PLEKHG5: variants seen among roughly 807,000 people sequenced by gnomAD.
PLEKHG5 encodes the protein pleckstrin homology and RhoGEF domain containing G5.
In PLEKHG5, 52 loss-of-function variants were observed where a neutral mutation model predicts 103.8. The ratio of observed to expected loss-of-function variants is 0.50; its 90% confidence interval spans 0.40 to 0.63. The LOEUF is 0.63. PLEKHG5 is among the 30% of genes least tolerant of loss of function. The pLI is 0.00. For missense variants in PLEKHG5, 1,205 were observed against 1,347.6 expected (o/e 0.89, Z 1.66); for synonymous variants, 592 against 575.5 (o/e 1.03, Z -0.41).
rs1218575297 is a variant in PLEKHG5, at chr1:6,471,556, C to T, written c.1213G>A (p.Val405Met). The change falls in exon 12 of 21, where the codon GTG becomes ATG. Residue 405 changes from valine (V) to methionine (M), a missense_variant. By Grantham distance (21) the Val-to-Met change is conservative. Transcript: ENST00000377728. ...RRLWASVMAP[V>M]LEKARRTRAL... is the part of the protein sequence containing the mutation. Reference sequence around the variant, plus strand: ...CGCGTGCGCCGCGCCTTCTCCAGCACCGGCGCCATCACGCTAGCCCACAGC... The same window carrying T: ...CGCGTGCGCCGCGCCTTCTCCAGCATCGGCGCCATCACGCTAGCCCACAGC... The T allele has an allele frequency of 5.6e-6, 9 of 1,605,442 alleles. No homozygotes were observed. In the East Asian group the frequency reaches 9.0e-5, roughly 16 times the overall value.
intron 1 of PLEKHG5, among the ~76,000 whole-genome samples, chr1:6,507,908 G>T (rs978277045): frequency 5.3e-5 from 8 of 152,208 alleles, no homozygotes; most frequent in African/African-American, 1.9e-4. Context: ...CTGCCTGGGG[G>T]TGTCAGACTG....
intron 4 of PLEKHG5, 56 bp from the exon 5 acceptor site, chr1:6,475,194 G>GCCCTCCTTCCCAA: frequency 9.3e-6 from 6 of 648,288 alleles, no homozygotes; most frequent in Non-Finnish European, 1.5e-5. Context: ...CCTCATTCCC[G>GCCCTCCTTCCCAA]CCCTCCTCCC....
At position 6,473,381 on chromosome 1, in the gene PLEKHG5, G is replaced by A. The variant is rs373678202; in HGVS notation, c.665C>T (p.Thr222Met). ...EASIPGQEPP[T>M]PSSCSLPSGS... Reference sequence around the variant, plus strand: ...GCTGGGCAGAGAGCAGCTGGAGGGCGTGGGGGGCTCCTGCCCGGGGATGCT... The same window carrying A: ...GCTGGGCAGAGAGCAGCTGGAGGGCATGGGGGGCTCCTGCCCGGGGATGCT... The change falls in exon 8 of 21, where the codon ACG becomes ATG. Residue 222 changes from threonine to methionine, a missense_variant. Thr to Met is a moderately conservative substitution (Grantham distance 81, BLOSUM62 -1). Coordinates refer to ENST00000377728, the MANE Select transcript of PLEKHG5 (RefSeq NM_020631.6). 74 of 1,547,712 alleles carry A rather than the reference G, an allele frequency of 4.8e-5. No homozygotes were observed. Among genetic ancestry groups the A allele is most frequent in the South Asian group, 3.2e-4 (27 of 84,044 alleles).
upstream of PLEKHG5, among the ~76,000 whole-genome samples, chr1:6,494,360 A>G (rs972456644): frequency 4.0e-5 from 6 of 151,676 alleles, no homozygotes; most frequent in East Asian, 1.2e-3. Flanking sequence ...CGAACTCCTG[A>G]GCTCAGGCAA....
upstream of PLEKHG5, among the ~76,000 whole-genome samples, chr1:6,498,220 C>T (rs905348128): frequency 5.3e-5 from 8 of 152,168 alleles, no homozygotes; most frequent in East Asian, 7.7e-4. Flanking sequence ...GGAGGCATTG[C>T]GCCGACAAGA....
chr1:6,513,848 A>T (rs1638542887), intron 1 of PLEKHG5, among the ~76,000 whole-genome samples: 1 of 152,190 alleles, frequency 6.6e-6, no homozygotes, highest in South Asian at 2.1e-4. Context: ...TGGCCCACAG[A>T]AGTCAAGGGC....
Position 6,467,317 on chromosome 1 carries a change from C to G in PLEKHG5, c.*246G>C, listed in dbSNP as rs1226407511. 3 of 623,514 alleles carry G rather than the reference C, an allele frequency of 4.8e-6. No individual in the cohort carries two copies. The highest frequency in any genetic ancestry group is 8.8e-6 in the Non-Finnish European group (3 of 341,840). The allele number at this position is 623,514 out of a possible 1,614,324, so 38.6% of individuals were successfully genotyped here. ...CCCAGCCCTGAAGACTCGAGCTGAGCTGGTAACTTCGGGGAGTAGGTGACG... is the reference window on the plus strand; with the variant it reads ...CCCAGCCCTGAAGACTCGAGCTGAGGTGGTAACTTCGGGGAGTAGGTGACG... On this transcript the variant is annotated 3_prime_UTR_variant, in exon 21 of 21. Transcript: ENST00000377728.
upstream of PLEKHG5, among the ~76,000 whole-genome samples, chr1:6,494,855 C>G (rs113493993): frequency 6.6e-6 from 1 of 152,226 alleles, no homozygotes; most frequent in South Asian, 2.1e-4. Context: ...TCCCCGTGCA[C>G]GCTGGGTGAC....
At position 6,468,505 on chromosome 1, in the gene PLEKHG5, G is replaced by A. The variant is rs61749272; in HGVS notation, c.2331C>T (p.Ser777=). Residue 777 remains serine, a synonymous_variant, in exon 20 of 21, where the codon AGC becomes AGT. Coordinates refer to ENST00000377728, the MANE Select transcript of PLEKHG5 (RefSeq NM_020631.6). ...CATCAGACTGGGAGCTGAAAGGACCGCTGTCGAACTCGGGGGAGGACAGCG... is the reference window on the plus strand; with the variant it reads ...CATCAGACTGGGAGCTGAAAGGACCACTGTCGAACTCGGGGGAGGACAGCG... ...GDTLSSPEFD[S]GPFSSQSDET... The A allele has an allele frequency of 0.012, 19,599 of 1,612,882 alleles. 171 individuals are homozygous for A. Among genetic ancestry groups the A allele is most frequent in the Non-Finnish European group, 0.015 (17,224 of 1,179,840 alleles).
At position 6,469,581 on chromosome 1, in the gene PLEKHG5, G is replaced by A. The variant is rs61732221; in HGVS notation, c.1896C>T (p.Leu632=). 466 of 1,613,852 alleles carry A rather than the reference G, an allele frequency of 2.9e-4. No homozygotes were observed. The African/African-American group carries it at 5.3e-3, about 18-fold the overall frequency. Residue 632 remains leucine, a synonymous_variant, in exon 17 of 21, where the codon CTC becomes CTT. Transcript: ENST00000377728. The part of the protein sequence containing the change: ...ERTRVIRPPL[L]VDKIVCRELR... Reference sequence around the variant, plus strand: ...GCTCCCGGCACACAATCTTGTCCACGAGCAGGGGTGGCCTGATGACCCTGG... The same window carrying A: ...GCTCCCGGCACACAATCTTGTCCACAAGCAGGGGTGGCCTGATGACCCTGG...
At chr1:6,492,254 A>C (rs530005831), upstream of PLEKHG5, among the ~76,000 whole-genome samples, 1 of 152,114 alleles carries the variant, frequency 6.6e-6, no homozygotes, top group East Asian at 1.9e-4. Context: ...AAACACCCTC[A>C]CATGTGGTGC....
upstream of PLEKHG5, among the ~76,000 whole-genome samples, chr1:6,500,301 C>T (rs1351160531): frequency 1.3e-5 from 2 of 152,136 alleles, no homozygotes; most frequent in African/African-American, 4.8e-5. Flanking sequence ...AGGGGAGCAG[C>T]CCCTCAGTGG....
In PLEKHG5 at chr1:6,501,807, G is replaced by A. The variant is rs114650292; in HGVS notation, c.-164-5238C>T. ...AAACGTGAATTGGTCCCCCCATCAT[G>A]ACATGAGTGTCCCCTTTCCCCACTG... is the stretch of plus-strand genomic sequence containing the variant. On this transcript the variant is annotated intron_variant, in intron 1 of 21. Coordinates refer to the PLEKHG5 transcript ENST00000377740. The surrounding 1 kb of genome is among the most constrained non-coding windows in gnomAD (Gnocchi z 4.3). 2.3e-3 allele frequency among the ~76,000 whole-genome samples: 344 copies of A among 152,300 alleles called. 3 individuals carry two copies. Among genetic ancestry groups the A allele is most frequent in the African/African-American group, 7.6e-3 (317 of 41,562 alleles).
At chr1:6,488,613 T>C (rs577809508) in intron 1 of PLEKHG5, among the ~76,000 whole-genome samples, 1 of 152,138 alleles carries the variant, frequency 6.6e-6, no homozygotes, top group Non-Finnish European at 1.5e-5. Context: ...GACTGTTCCT[T>C]AGGGGCAAGA....
At chr1:6,509,081 C>T (rs2148635787) in intron 1 of PLEKHG5, among the ~76,000 whole-genome samples, 1 of 152,350 alleles carries the variant, frequency 6.6e-6, no homozygotes, top group East Asian at 1.9e-4. Context: ...CTCCCACAGC[C>T]CCAGACCTAT....
At position 6,474,503 on chromosome 1, in the gene PLEKHG5, C is replaced by T; in HGVS notation, c.387G>A (p.Leu129=). The change falls in exon 6 of 21, where the codon CTG becomes CTA. Residue 129 remains leucine (L), a synonymous_variant. Transcript: ENST00000377728. ...ACCTGTAGGCCTCGAAGGTGAGGGA[C>T]AGGGGTGTGTTGGACTGGTCCAGGT... ...DIYLDQSNTP[L]SLTFEAYRFG... The T allele has an allele frequency of 6.2e-7, 1 of 1,614,004 alleles. No homozygotes were observed. Among genetic ancestry groups the T allele is most frequent in the Non-Finnish European group, 8.5e-7 (1 of 1,180,004 alleles).
At chr1:6,467,647 C>T in intron 20 of PLEKHG5, 75 bp from the exon 21 acceptor site, 19 of 1,525,450 alleles carry the variant, frequency 1.2e-5, no homozygotes, top group Non-Finnish European at 1.7e-5. Context: ...CCTCTCTTCC[C>T]CACGGCACTC....
rs376237905 is a variant in PLEKHG5, at chr1:6,468,047, C to T, written c.2789G>A (p.Arg930Gln). ...ACCGCTGCCAGGGCTAGGGGCCCCT[C>T]GGCAATCCCAGCTGGGCCCAGCTTC... Reference protein sequence around the residue: ...PQEAGPSWDCRGAPSPGSGPG... With the variant: ...PQEAGPSWDCQGAPSPGSGPG... The change falls in exon 20 of 21, where the codon CGA becomes CAA. Residue 930 changes from arginine to glutamine, a missense_variant. By Grantham distance (43) the Arg-to-Gln change is conservative. Transcript: ENST00000377728. 1.3e-4 allele frequency: 201 copies of T among 1,562,514 alleles called. No individual in the cohort carries two copies. The highest frequency in any genetic ancestry group is 1.7e-4 in the Middle Eastern group (1 of 5,766).
upstream of PLEKHG5, among the ~76,000 whole-genome samples, chr1:6,499,989 C>T (rs2986745): frequency 3.3e-5 from 5 of 151,758 alleles, no homozygotes; most frequent in Non-Finnish European, 5.9e-5. Flanking sequence ...TTTATAGCAA[C>T]GGAGGTCTCA....
Sources: gnomAD v4.1 joint callset for allele counts (sites outside exome capture counted in the v4.1 genomes callset) on GRCh38, gnomAD v4.1.1 for gene constraint, Gnocchi (gnomAD v3.1) non-coding constraint, MANE v1.5 for transcripts, NCBI Gene and HGNC (gene_info 2026-07-23, HGNC 2026-07-21) for gene names.